Variants in CHST15 observed in about 807,000 individuals in gnomAD.
CHST15 encodes carbohydrate sulfotransferase 15.
In CHST15, 30 loss-of-function variants were observed where a neutral mutation model predicts 53.6. That is an observed-to-expected ratio of 0.56 (90% CI 0.42 to 0.76). CHST15 has a LOEUF of 0.76. Ranked by LOEUF, CHST15 falls within the 30% of genes least tolerant of loss-of-function variation. The pLI is 0.00. For synonymous variants in CHST15, 296 were observed against 289.8 expected (o/e 1.02, Z -0.22); for missense variants, 627 against 740.5 (o/e 0.85, Z 1.78).
chr10:124,010,249 C>A lies in CHST15; in HGVS notation c.1586G>T (p.Trp529Leu), dbSNP rs1441405117. The change falls in exon 8 of 8, where the codon TGG becomes TTG. Residue 529 changes from tryptophan (W) to leucine (L), a missense_variant. Trp to Leu is a moderately conservative substitution (Grantham distance 61). Transcript: ENST00000435907. ...CCGCAGAATCTTCTGTGTGATGGGC[C>A]ACATGGGCCCCAGGTTCCGGTCCTC... ...RPEDRNLGPM[W>L]PITQKILRDF... The A allele has an allele frequency of 3.7e-6, 6 of 1,613,988 alleles. No homozygotes were observed. In the African/African-American group the frequency reaches 6.7e-5, roughly 18 times the overall value.
intron 5 of CHST15, among the ~76,000 whole-genome samples, chr10:124,028,667 C>T (rs1947104039): frequency 6.6e-6 from 1 of 152,202 alleles, no homozygotes; most frequent in Non-Finnish European, 1.5e-5. Context: ...TCAAAAGGCA[C>T]CCAAACGCAC....
intron 1 of CHST15, chr10:124,092,267 C>A: frequency 6.5e-6 from 1 of 154,876 alleles, no homozygotes; most frequent in South Asian, 2.0e-4. Flanking sequence ...CGGCCGCTGC[C>A]ATCCGGCTCC....
intron 1 of CHST15, among the ~76,000 whole-genome samples, chr10:124,064,207 A>T (rs1435033094): frequency 6.6e-6 from 1 of 152,230 alleles, no homozygotes; most frequent in Non-Finnish European, 1.5e-5. Context: ...AGACTTACGA[A>T]AAGTCATTGT....
At chr10:124,045,135 A>AAAAAAAAAAAAC in intron 2 of CHST15, among the ~76,000 whole-genome samples, 1 of 148,368 alleles carries the variant, frequency 6.7e-6, no homozygotes, top group Admixed American at 6.8e-5. Flanking sequence ...AAAAAAAAAA[A>AAAAAAAAAAAAC]AAAAAAAAAC....
intron 5 of CHST15, among the ~76,000 whole-genome samples, chr10:124,022,838 A>G (rs2133871783): frequency 8.9e-6 from 1 of 112,478 alleles, no homozygotes; most frequent in Admixed American, 1.1e-4. Context: ...TTTTTTTGAG[A>G]CAGAGTTTCA....
chr10:124,088,302 C>T (rs551637373), intron 1 of CHST15, among the ~76,000 whole-genome samples: 1 of 152,246 alleles, frequency 6.6e-6, no homozygotes, highest in Admixed American at 6.5e-5. Context: ...ATAACTCTGA[C>T]TTGCACGAGC....
At position 124,019,862 on chromosome 10, in the gene CHST15, A is replaced by G. The variant is rs1278447662; in HGVS notation, c.1347+1394T>C. ...CAAGCCCCCTGCCTCAGTGCCCCCC[A>G]TCTCCCACACCAGGCGGCTGGCTGC... is the stretch of plus-strand genomic sequence containing the variant. On this transcript the variant is annotated intron_variant, in intron 6 of 7. Transcript: ENST00000435907. This position sits in a 1 kb window ranked among gnomAD's most constrained non-coding sequence, Gnocchi z 4.6. The G allele has an allele frequency of 1.0e-6, 1 of 985,632 alleles. No individual in the cohort carries two copies. The highest frequency in any genetic ancestry group is 1.7e-5 in the African/African-American group (1 of 57,168). The allele number at this position is 985,632 out of a possible 1,614,324, so 61.1% of individuals were successfully genotyped here.
chr10:124,029,881 C>T (rs972360911), intron 5 of CHST15, among the ~76,000 whole-genome samples: 1 of 152,194 alleles, frequency 6.6e-6, no homozygotes, highest in African/African-American at 2.4e-5. Flanking sequence ...GCCCCAGGGT[C>T]GTTTCTAAGT....
chr10:124,076,520 AGCC>A (rs1949074758), intron 1 of CHST15, among the ~76,000 whole-genome samples: 1 of 152,294 alleles, frequency 6.6e-6, no homozygotes, highest in East Asian at 1.9e-4. Context: ...ATTCAGCTGC[AGCC>A]CGTGCCCCCG....
At chr10:124,046,864 T>C (rs1385097949) in intron 1 of CHST15, 140 bp from the exon 2 acceptor site, 1 of 152,188 alleles carries the variant, frequency 6.6e-6, no homozygotes, top group Non-Finnish European at 1.5e-5. Flanking sequence ...AAGCAAGTCA[T>C]AGAAAATCGC....
rs770916984 is a variant in CHST15 at position 124,046,453 on chromosome 10, A to G, written c.-241T>C. 235 of 436,558 alleles carry G rather than the reference A, an allele frequency of 5.4e-4. 1 individual carries two copies. Among genetic ancestry groups the G allele is most frequent in the Non-Finnish European group, 5.6e-4 (140 of 248,384 alleles). 27.0% of individuals were successfully genotyped at this position (436,558 alleles called of 1,614,324 possible). On this transcript the variant is annotated 5_prime_UTR_variant, in exon 2 of 8. Coordinates refer to ENST00000435907, the MANE Select transcript of CHST15 (RefSeq NM_001270764.2). Reference sequence around the variant, plus strand: ...TGATGTCCCAGAGTCATGTTCTACAAGAGCCGCTGCAACCTCAGAGAAGGT... The same window carrying G: ...TGATGTCCCAGAGTCATGTTCTACAGGAGCCGCTGCAACCTCAGAGAAGGT...
chr10:124,062,060 G>A (rs1948593428), intron 1 of CHST15, among the ~76,000 whole-genome samples: 1 of 150,666 alleles, frequency 6.6e-6, no homozygotes, highest in African/African-American at 2.4e-5. Flanking sequence ...CAAATGACAG[G>A]CCTGGGAGTG....
chr10:124,092,847 G>C (rs1281355017), intron 1 of CHST15, among the ~76,000 whole-genome samples: 3 of 152,242 alleles, frequency 2.0e-5, no homozygotes, highest in African/African-American at 7.2e-5. Flanking sequence ...CTGTCCGTCG[G>C]TCGGTCCCCC....
chr10:124,007,701 C>T lies in CHST15; in HGVS notation c.*2448G>A. ...AGAGGAAGAGCACGCGCTCCACAGG[C>T]GTCACTCTTATGGGTCCATCTTTAA... On this transcript the variant is annotated 3_prime_UTR_variant, in exon 8 of 8. Coordinates refer to ENST00000435907, the MANE Select transcript of CHST15 (RefSeq NM_001270764.2). 7 of 1,223,796 alleles carry T rather than the reference C, an allele frequency of 5.7e-6. No homozygotes were observed. Among genetic ancestry groups the T allele is most frequent in the Non-Finnish European group, 7.1e-6 (7 of 983,758 alleles). The allele number at this position is 1,223,796 out of a possible 1,614,324, so 75.8% of individuals were successfully genotyped here.
chr10:124,038,601 G>A lies in CHST15; in HGVS notation c.1104C>T (p.Gly368=), dbSNP rs142476163. 2.6e-5 allele frequency: 42 copies of A among 1,613,932 alleles called. No individual in the cohort carries two copies. The highest frequency in any genetic ancestry group is 1.6e-4 in the Middle Eastern group (1 of 6,080). The part of the protein sequence containing the change: ...WTFFYDNSTD[G]EPPFLTQDFI... ...AGTCCTGCGTCAGAAACGGTGGCTCGCCATCCGTGCTGTTGTCGTAGAAGA... is the reference window on the plus strand; with the variant it reads ...AGTCCTGCGTCAGAAACGGTGGCTCACCATCCGTGCTGTTGTCGTAGAAGA... Residue 368 remains glycine, a synonymous_variant, in exon 5 of 8, where the codon GGC becomes GGT. Coordinates refer to ENST00000435907, the MANE Select transcript of CHST15 (RefSeq NM_001270764.2).
intron 1 of CHST15, among the ~76,000 whole-genome samples, chr10:124,058,009 A>G (rs1948438983): frequency 6.6e-6 from 1 of 152,208 alleles, no homozygotes; most frequent in Non-Finnish European, 1.5e-5. Context: ...AAGACTCTAA[A>G]GGTCTTTGTG....
intron 6 of CHST15, among the ~76,000 whole-genome samples, chr10:124,016,772 G>A (rs1946599692): frequency 6.6e-6 from 1 of 152,220 alleles, no homozygotes; most frequent in South Asian, 2.1e-4. Context: ...ATGAGACGAT[G>A]CATTGAAAGG....
intron 1 of CHST15, among the ~76,000 whole-genome samples, chr10:124,049,666 C>T (rs1346508560): frequency 6.6e-6 from 1 of 152,202 alleles, no homozygotes; most frequent in African/African-American, 2.4e-5. Context: ...CACACACCCT[C>T]CTCCACCATA....
At chr10:124,012,815 G>C (rs1946458529) in intron 6 of CHST15, among the ~76,000 whole-genome samples, 1 of 152,106 alleles carries the variant, frequency 6.6e-6, no homozygotes, top group African/African-American at 2.4e-5. Flanking sequence ...ACAATATCCT[G>C]GCTGTTTCTC....
Sources: allele counts gnomAD v4.1 joint callset (sites outside exome capture counted in the v4.1 genomes callset), GRCh38; gene constraint gnomAD v4.1.1; non-coding constraint Gnocchi (gnomAD v3.1); transcripts MANE v1.5; gene names NCBI Gene and HGNC (gene_info 2026-07-23, HGNC 2026-07-21).